AFDN: variants seen among roughly 807,000 people sequenced by gnomAD.
AFDN encodes the protein afadin.
Under a neutral mutation model 216.6 loss-of-function variants are expected in AFDN, and 68 were observed. That is an observed-to-expected ratio of 0.31 (90% CI 0.26 to 0.38). AFDN has a LOEUF of 0.38. Among genes scored for constraint, AFDN ranks in the 10% least tolerant of loss-of-function variants. The pLI, the probability that AFDN is intolerant of heterozygous loss-of-function variation, is 1.00. For missense variants in AFDN, 2,136 were observed against 2,342.0 expected, an observed-to-expected ratio of 0.91 and a Z score of 1.82; for synonymous variants, 868 against 853.7, an observed-to-expected ratio of 1.02 and a Z score of -0.29.
intron 23 of AFDN, among the ~76,000 whole-genome samples, chr6:167,933,887 G>T (rs373515953): frequency 3.5e-4 from 53 of 152,246 alleles, no homozygotes; most frequent in African/African-American, 1.3e-3. Flanking sequence ...TGGCTGTGGG[G>T]TAGCCCAGAG....
chr6:167,836,218 A>G (rs1780416832), intron 1 of AFDN, among the ~76,000 whole-genome samples: 1 of 152,186 alleles, frequency 6.6e-6, no homozygotes, highest in African/African-American at 2.4e-5. Flanking sequence ...TTCAAGTTCT[A>G]CTTATAGATC....
intron 12 of AFDN, among the ~76,000 whole-genome samples, chr6:167,904,425 G>T (rs1789389039): frequency 6.6e-6 from 1 of 152,026 alleles, no homozygotes; most frequent in Non-Finnish European, 1.5e-5. Flanking sequence ...GCCCAGGCTG[G>T]TCTTGAACTC....
intron 12 of AFDN, among the ~76,000 whole-genome samples, chr6:167,903,854 G>C (rs1448040314): frequency 1.3e-5 from 2 of 152,194 alleles, no homozygotes; most frequent in African/African-American, 4.8e-5. Flanking sequence ...TGACCTCCCA[G>C]GTCCCAAATC....
chr6:167,920,878 C>A (rs1265210930), intron 21 of AFDN, among the ~76,000 whole-genome samples: 1 of 152,190 alleles, frequency 6.6e-6, no homozygotes, highest in Non-Finnish European at 1.5e-5. Context: ...TGTCTTCCTA[C>A]TTAACATGTC....
In AFDN at chr6:167,909,002, T is replaced by C. The variant is rs185129591; in HGVS notation, c.1769+1713T>C. Among the ~76,000 whole-genome samples the C allele has an allele frequency of 2.0e-5, 3 of 152,292 alleles. No homozygotes were observed. In the East Asian group the frequency reaches 5.8e-4, roughly 29 times the overall value. ...TAATTGTCACTAAATTTTTTTTTCT[T>C]TTATCAATGACAATGTAAACACTTT... On this transcript the variant is annotated intron_variant, in intron 13 of 33. Coordinates refer to ENST00000683244, the MANE Select transcript of AFDN (RefSeq NM_001386888.1).
intron 1 of AFDN, among the ~76,000 whole-genome samples, chr6:167,829,477 C>T (rs1175441689): frequency 2.0e-5 from 3 of 151,804 alleles, no homozygotes; most frequent in Admixed American, 2.0e-4. Flanking sequence ...ATTATTTTTA[C>T]TCTATTTGGC....
Position 167,872,228 on chromosome 6 carries a change from T to C in AFDN, c.429T>C (p.Asn143=). Residue 143 remains asparagine, a synonymous_variant, in exon 4 of 34, where the codon AAT becomes AAC. Coordinates refer to ENST00000683244, the MANE Select transcript of AFDN (RefSeq NM_001386888.1). ...DAIPPKKAQS[N]GPEKQEKEGV... ...ACTTTCATCAGAAGGCTCAAAGTAA[T>C]GGACCTGAAAAGCAGGAAAAAGAAG... is the stretch of plus-strand genomic sequence containing the variant. 6.2e-7 allele frequency: 1 copy of C among 1,610,714 alleles called. No homozygotes were observed. Among genetic ancestry groups the C allele is most frequent in the Non-Finnish European group, 8.5e-7 (1 of 1,179,204 alleles).
intron 30 of AFDN, among the ~76,000 whole-genome samples, chr6:167,960,803 G>C (rs1796960980): frequency 6.6e-6 from 1 of 152,122 alleles, no homozygotes; most frequent in Admixed American, 6.5e-5. Context: ...CGGCTTCCTT[G>C]TGGGTTCTTA....
In AFDN at chr6:167,918,828, G is replaced by C. The variant is rs1448067933; in HGVS notation, c.2803G>C (p.Asp935His). 6.2e-7 allele frequency: 1 copy of C among 1,613,052 alleles called. No individual in the cohort carries two copies. Among genetic ancestry groups the C allele is most frequent in the Non-Finnish European group, 8.5e-7 (1 of 1,179,414 alleles). The change falls in exon 21 of 34, where the codon GAT (aspartate) becomes CAT (histidine). Residue 935 changes from aspartate (D) to histidine (H), a missense_variant. By Grantham distance (81) the Asp-to-His change is moderately conservative. Transcript: ENST00000683244. ...GGAAGTGCAGTTGGAGGAGGATCCT[G>C]ATCTGCAGCTGCCGTTTCTTTTGCC... The part of the protein sequence containing the change: ...GREVQLEEDP[D>H]LQLPFLLPED...
chr6:167,948,537 C>G, intron 29 of AFDN, 59 bp downstream of exon 29: 1 of 1,467,502 alleles, frequency 6.8e-7, no homozygotes. Flanking sequence ...ACACTGAGTT[C>G]TGAGACACAA....
At chr6:167,855,590 T>C (rs1274606277) in intron 1 of AFDN, among the ~76,000 whole-genome samples, 1 of 152,106 alleles carries the variant, frequency 6.6e-6, no homozygotes, top group East Asian at 1.9e-4. Flanking sequence ...TAGCATTCAT[T>C]GACTTTGAGA....
intron 11 of AFDN, among the ~76,000 whole-genome samples, chr6:167,900,980 A>G (rs1237924896): frequency 1.3e-5 from 2 of 152,234 alleles, no homozygotes; most frequent in Admixed American, 1.3e-4. Context: ...TTACTCTTTC[A>G]AAAGTTACTA....
intron 1 of AFDN, among the ~76,000 whole-genome samples, chr6:167,835,059 GTTGA>G (rs1250652321): frequency 6.6e-6 from 1 of 152,164 alleles, no homozygotes; most frequent in East Asian, 1.9e-4. Context: ...CTTCCCTCTT[GTTGA>G]TTATTAGGAA....
chr6:167,861,559 C>T (rs955879424), intron 1 of AFDN, among the ~76,000 whole-genome samples: 9 of 152,074 alleles, frequency 5.9e-5, no homozygotes, highest in Non-Finnish European at 1.3e-4. Flanking sequence ...TTTATGTTTG[C>T]AGTTTCCTTT....
At chr6:167,907,311 A>G in intron 13 of AFDN, 22 bp downstream of exon 13, 3 of 1,571,724 alleles carry the variant, frequency 1.9e-6, no homozygotes, top group Non-Finnish European at 1.8e-6. Context: ...ATCATTTTTC[A>G]ATGGTGAAAG....
At chr6:167,834,681 C>T (rs1780223583) in intron 1 of AFDN, among the ~76,000 whole-genome samples, 1 of 151,876 alleles carries the variant, frequency 6.6e-6, no homozygotes, top group Non-Finnish European at 1.5e-5. Flanking sequence ...TTGGAAGATT[C>T]TTTTAAATAC....
chr6:167,829,803 G>A (rs1250316445), intron 1 of AFDN, among the ~76,000 whole-genome samples: 1 of 152,078 alleles, frequency 6.6e-6, no homozygotes, highest in Non-Finnish European at 1.5e-5. Context: ...CTGTGTTTAG[G>A]AAGATGATAA....
At chr6:167,860,687 C>G (rs1263157246) in intron 1 of AFDN, among the ~76,000 whole-genome samples, 1 of 152,182 alleles carries the variant, frequency 6.6e-6, no homozygotes, top group South Asian at 2.1e-4. Context: ...TGTCCTGTTG[C>G]AGCCCCCCAG....
rs575867554 is a variant in AFDN, at chr6:167,954,610, C to T, written c.4833+2423C>T. ...AGTTCTCCTTAGGGGTGTCCTCCAT[C>T]AGGAGATGGAGTCCCTGACACTTTA... On this transcript the variant is annotated intron_variant, in intron 30 of 33. Coordinates refer to ENST00000683244, the MANE Select transcript of AFDN (RefSeq NM_001386888.1). 24 of 734,552 alleles carry T rather than the reference C, an allele frequency of 3.3e-5. No homozygotes were observed. The South Asian group carries it at 5.6e-4, about 17-fold the overall frequency. The allele number at this position is 734,552 out of a possible 1,614,324, so 45.5% of individuals were successfully genotyped here. A position where few individuals can be genotyped will look rare whatever the true frequency, so the allele number is the denominator to read the frequency against.
Sources: allele counts gnomAD v4.1 joint callset (sites outside exome capture counted in the v4.1 genomes callset), GRCh38; gene constraint gnomAD v4.1.1; transcripts MANE v1.5; gene names NCBI Gene and HGNC (gene_info 2026-07-23, HGNC 2026-07-21).